The following B3GALT1 variants were observed in gnomAD, a reference collection of about 807,000 sequenced individuals.
B3GALT1 encodes the protein beta-1,3-galactosyltransferase 1.
A neutral mutation model predicts 23.2 loss-of-function variants in B3GALT1; 10 were observed. That is an observed-to-expected ratio of 0.43 (90% CI 0.27 to 0.73). B3GALT1 has a LOEUF of 0.73. Ranked by LOEUF, B3GALT1 falls within the 30% of genes least tolerant of loss-of-function variation. The pLI is 0.21. For missense variants in B3GALT1, 299 were observed against 405.4 expected (o/e 0.74, Z 2.25); for synonymous variants, 156 against 141.5 (o/e 1.10, Z -0.73).
chr2:167,436,127 T>C (rs1389854243), intron 1 of B3GALT1, among the ~76,000 whole-genome samples: 1 of 152,168 alleles, frequency 6.6e-6, no homozygotes, highest in Non-Finnish European at 1.5e-5. Flanking sequence ...AAACAACTCA[T>C]GTAACATCAC....
chr2:167,600,716 T>G (rs1188884130), intron 2 of B3GALT1, among the ~76,000 whole-genome samples: 1 of 152,232 alleles, frequency 6.6e-6, no homozygotes, highest in African/African-American at 2.4e-5. Flanking sequence ...GTGTCAGGAC[T>G]GCATGCCTTT....
intron 1 of B3GALT1, among the ~76,000 whole-genome samples, chr2:167,302,682 C>A (rs551300337): frequency 1.3e-5 from 2 of 152,028 alleles, no homozygotes. Flanking sequence ...TTTGTATATA[C>A]GTGTATCTTA....
At chr2:167,813,366 G>A (rs55791355) in intron 3 of B3GALT1, among the ~76,000 whole-genome samples, 3,814 of 152,216 alleles carry the variant, frequency 0.025, 74 homozygotes, top group South Asian at 0.068. Flanking sequence ...TTTGATGCTT[G>A]TTATAGAAAT....
intron 1 of B3GALT1, among the ~76,000 whole-genome samples, chr2:167,463,707 G>T (rs528422641): frequency 6.6e-6 from 1 of 152,128 alleles, no homozygotes; most frequent in Non-Finnish European, 1.5e-5. Flanking sequence ...AATTTCCAAA[G>T]TACTCCAGGA....
chr2:167,497,736 A>G (rs189765342), intron 2 of B3GALT1, among the ~76,000 whole-genome samples: 1 of 152,144 alleles, frequency 6.6e-6, no homozygotes, highest in Non-Finnish European at 1.5e-5. Context: ...TGCAACAAAA[A>G]GATTAGGAAG....
chr2:167,771,236 T>A (rs902219183), intron 3 of B3GALT1, among the ~76,000 whole-genome samples: 1 of 152,196 alleles, frequency 6.6e-6, no homozygotes, highest in African/African-American at 2.4e-5. Context: ...TGGCATCCTG[T>A]GAAGAGTTAT....
chr2:167,639,515 G>C (rs143074025), intron 2 of B3GALT1, among the ~76,000 whole-genome samples: 44 of 152,054 alleles, frequency 2.9e-4, no homozygotes, highest in African/African-American at 9.9e-4. Flanking sequence ...CTTCATAACT[G>C]TTATTCATAG....
At chr2:167,502,739 G>A (rs1172094742) in intron 2 of B3GALT1, among the ~76,000 whole-genome samples, 1 of 152,068 alleles carries the variant, frequency 6.6e-6, no homozygotes, top group Non-Finnish European at 1.5e-5. Context: ...TCAACATTGG[G>A]GATTAAAATT....
At chr2:167,632,383 A>G (rs1349966515) in intron 2 of B3GALT1, among the ~76,000 whole-genome samples, 1 of 152,066 alleles carries the variant, frequency 6.6e-6, no homozygotes, top group East Asian at 1.9e-4. Flanking sequence ...GTCTTCCACA[A>G]TGGTTGAACT....
intron 1 of B3GALT1, among the ~76,000 whole-genome samples, chr2:167,363,564 T>C (rs1299202094): frequency 6.6e-6 from 1 of 152,172 alleles, no homozygotes; most frequent in East Asian, 1.9e-4. Context: ...GTGGCTCACC[T>C]CCTTGCCTGT....
intron 1 of B3GALT1, among the ~76,000 whole-genome samples, chr2:167,374,679 C>T (rs146324520): frequency 1.3e-5 from 2 of 152,052 alleles, no homozygotes; most frequent in Admixed American, 1.3e-4. Context: ...ATGTCTTTTG[C>T]CCATTTTTAG....
intron 1 of B3GALT1, among the ~76,000 whole-genome samples, chr2:167,293,774 GT>G (rs1214112861): frequency 2.6e-5 from 4 of 152,138 alleles, no homozygotes; most frequent in Non-Finnish European, 5.9e-5. Flanking sequence ...CTTTATTGCG[GT>G]GATTAAAAGG....
intron 2 of B3GALT1, among the ~76,000 whole-genome samples, chr2:167,591,309 A>G (rs1318298942): frequency 6.6e-6 from 1 of 151,988 alleles, no homozygotes; most frequent in East Asian, 1.9e-4. Context: ...GTATGGCTCA[A>G]TTAAAGTGAG....
intron 1 of B3GALT1, among the ~76,000 whole-genome samples, chr2:167,352,554 TAA>T (rs763303379): frequency 7.1e-5 from 8 of 113,048 alleles, no homozygotes; most frequent in Non-Finnish European, 7.5e-5. Flanking sequence ...CCGTCTCTAC[TAA>T]AAAAAAAAAA....
intron 1 of B3GALT1, among the ~76,000 whole-genome samples, chr2:167,359,606 C>T (rs1282679156): frequency 6.6e-6 from 1 of 152,172 alleles, no homozygotes; most frequent in African/African-American, 2.4e-5. Flanking sequence ...TCAACAGGGC[C>T]TCCTCCTGGC....
intron 3 of B3GALT1, among the ~76,000 whole-genome samples, chr2:167,663,320 A>G (rs1574197849): frequency 1.3e-5 from 2 of 151,954 alleles, no homozygotes; most frequent in African/African-American, 4.8e-5. Flanking sequence ...ATAGTATTCC[A>G]TGGTGTATAT....
chr2:167,301,699 C>G (rs188900073), intron 1 of B3GALT1, among the ~76,000 whole-genome samples: 1 of 152,096 alleles, frequency 6.6e-6, no homozygotes, highest in East Asian at 1.9e-4. Flanking sequence ...TATAGGCATC[C>G]GCCACCACAC....
intron 1 of B3GALT1, among the ~76,000 whole-genome samples, chr2:167,403,616 T>C (rs1377765296): frequency 6.6e-6 from 1 of 152,112 alleles, no homozygotes; most frequent in Non-Finnish European, 1.5e-5. Context: ...GATGATGGCA[T>C]GAGGAGTAGT....
chr2:167,572,274 T>G (rs1437954874), intron 2 of B3GALT1, among the ~76,000 whole-genome samples: 1 of 151,864 alleles, frequency 6.6e-6, no homozygotes, highest in South Asian at 2.1e-4. Flanking sequence ...ACGGAAAATA[T>G]GTAAATGCTA....
Sources: allele counts gnomAD v4.1 joint callset (sites outside exome capture counted in the v4.1 genomes callset), GRCh38; gene constraint gnomAD v4.1.1; transcripts MANE v1.5; gene names NCBI Gene and HGNC (gene_info 2026-07-23, HGNC 2026-07-21).